Variants in WDR70 observed in about 807,000 individuals in gnomAD.
WDR70 encodes the protein WD repeat-containing protein 70.
A neutral mutation model predicts 88.6 loss-of-function variants in WDR70; 53 were observed. The observed-to-expected ratio is 0.60, with a 90% CI of 0.48 to 0.75. The LOEUF (loss-of-function observed/expected upper bound fraction) is 0.75. WDR70 is among the 30% of genes least tolerant of loss of function. The probability of loss-of-function intolerance (pLI) is 0.00; values close to 1 mark genes in which losing one functional copy is unlikely to be tolerated. For missense variants in WDR70, 610 were observed against 823.2 expected (o/e 0.74, Z 3.17); for synonymous variants, 280 against 270.0 (o/e 1.04, Z -0.36).
intron 17 of WDR70, among the ~76,000 whole-genome samples, chr5:37,737,614 G>GT (rs1399959085): frequency 6.6e-6 from 1 of 152,132 alleles, no homozygotes; most frequent in Non-Finnish European, 1.5e-5. Context: ...TTTCGTGCAT[G>GT]TTTTTTAATA....
chr5:37,724,753 A>T (rs1747921778), intron 15 of WDR70, 181 bp from the exon 16 acceptor site: 1 of 610,956 alleles, frequency 1.6e-6, no homozygotes, highest in Non-Finnish European at 2.9e-6. Context: ...AGGAGAGGTG[A>T]CCAGTGAGTC....
chr5:37,478,938 G>A (rs947472573), intron 7 of WDR70, among the ~76,000 whole-genome samples: 4 of 152,198 alleles, frequency 2.6e-5, no homozygotes, highest in African/African-American at 9.7e-5. Context: ...GAATGGTGAG[G>A]GTGGAAAGGT....
chr5:37,701,555 C>T (rs1014016190), intron 12 of WDR70, among the ~76,000 whole-genome samples: 27 of 151,884 alleles, frequency 1.8e-4, no homozygotes, highest in African/African-American at 4.4e-4. Flanking sequence ...TTTGGGAGGC[C>T]GAGGCGGGCA....
intron 8 of WDR70, among the ~76,000 whole-genome samples, chr5:37,485,707 T>A (rs1739841878): frequency 6.6e-6 from 1 of 152,008 alleles, no homozygotes; most frequent in Non-Finnish European, 1.5e-5. Flanking sequence ...TATTATTATT[T>A]TTGAGATAGA....
At chr5:37,537,674 T>C (rs1039239407) in intron 9 of WDR70, among the ~76,000 whole-genome samples, 3 of 152,176 alleles carry the variant, frequency 2.0e-5, no homozygotes, top group Non-Finnish European at 2.9e-5. Flanking sequence ...TTGAGCAAAC[T>C]CTGGATTAAC....
At chr5:37,699,493 A>C (rs746098442) in intron 11 of WDR70, among the ~76,000 whole-genome samples, 3 of 151,718 alleles carry the variant, frequency 2.0e-5, no homozygotes, top group Non-Finnish European at 4.4e-5. Context: ...TCCTTCCTGG[A>C]TGTATACAAT....
intron 13 of WDR70, among the ~76,000 whole-genome samples, chr5:37,708,178 C>A (rs1317217238): frequency 1.3e-5 from 2 of 150,446 alleles, no homozygotes; most frequent in African/African-American, 4.9e-5. Flanking sequence ...TTCAGAATAT[C>A]CCTTTCCTGT....
rs1245440173 is a variant in WDR70, at chr5:37,516,533, A to T, written c.860A>T (p.His287Leu). ...ANTKGHTAML[H>L]TGSWHPKIKG... ...TTTAAGGGTCATACAGCAATGCTTC[A>T]TACTGGCTCATGGCATCCCAAAATA... Residue 287 changes from histidine (H) to leucine (L), a missense_variant, in exon 9 of 18, where the codon CAT becomes CTT. His to Leu is a moderately conservative substitution (Grantham distance 99). This residue lies in a region of WDR70 where 83 missense variants were observed against 155.3 expected (regional missense o/e 0.53). Coordinates refer to ENST00000265107, the MANE Select transcript of WDR70 (RefSeq NM_018034.4). 3.7e-6 allele frequency: 6 copies of T among 1,603,854 alleles called. No homozygotes were observed. The highest frequency in any genetic ancestry group is 3.3e-5 in the South Asian group (3 of 89,580).
chr5:37,410,564 C>G (rs961260066), intron 5 of WDR70, among the ~76,000 whole-genome samples: 1 of 152,108 alleles, frequency 6.6e-6, no homozygotes, highest in Non-Finnish European at 1.5e-5. Context: ...AACTCCCTTA[C>G]CTTTCTTTTC....
At chr5:37,654,925 T>C (rs956051074) in intron 10 of WDR70, among the ~76,000 whole-genome samples, 1 of 152,230 alleles carries the variant, frequency 6.6e-6, no homozygotes, top group African/African-American at 2.4e-5. Flanking sequence ...TGTCTTTTAA[T>C]TGGGGCATTA....
intron 13 of WDR70, among the ~76,000 whole-genome samples, chr5:37,716,960 T>A (rs867655664): frequency 1.3e-5 from 2 of 152,160 alleles, no homozygotes; most frequent in Non-Finnish European, 2.9e-5. Context: ...CTCTCTTTTT[T>A]CTTTGGTCTC....
chr5:37,485,858 A>ATTTTTTTTTTTTTTTTTTTTTTT lies in WDR70; in HGVS notation c.840+5877_840+5899dup, dbSNP rs57109943. 6.5e-5 allele frequency among the ~76,000 whole-genome samples: 7 copies of ATTTTTTTTTTTTTTTTTTTTTTT among 108,288 alleles called. 1 individual carries two copies. The highest frequency in any genetic ancestry group is 2.4e-4 in the African/African-American group (6 of 25,374). The allele number at this position is 108,288 out of a possible 152,430, so 71.0% of individuals were successfully genotyped here. On this transcript the variant is annotated intron_variant, in intron 8 of 17. Transcript: ENST00000265107. ...AGGCATGCGCCACCATGCCTGGCTA[A>ATTTTTTTTTTTTTTTTTTTTTTT]TTTTTTTTTTTTTTTTTTTTTTTTT...
intron 17 of WDR70, among the ~76,000 whole-genome samples, chr5:37,736,602 C>A (rs970887329): frequency 1.4e-5 from 2 of 144,190 alleles, no homozygotes; most frequent in South Asian, 4.4e-4. Context: ...TGCATCAGAG[C>A]GGTGTATGTA....
intron 10 of WDR70, among the ~76,000 whole-genome samples, chr5:37,663,876 A>G (rs1295872517): frequency 6.6e-6 from 1 of 151,848 alleles, no homozygotes; most frequent in Non-Finnish European, 1.5e-5. Context: ...CCTTTCCTGT[A>G]TTTTTATCCT....
At chr5:37,629,213 T>G (rs1744747792) in intron 10 of WDR70, among the ~76,000 whole-genome samples, 1 of 152,182 alleles carries the variant, frequency 6.6e-6, no homozygotes, top group Non-Finnish European at 1.5e-5. Flanking sequence ...TTGGAATTCT[T>G]TGTCTTTTAC....
At chr5:37,612,852 T>C (rs1744224960) in intron 10 of WDR70, among the ~76,000 whole-genome samples, 1 of 152,206 alleles carries the variant, frequency 6.6e-6, no homozygotes, top group Non-Finnish European at 1.5e-5. Flanking sequence ...TTTACAAATA[T>C]TCAACAGAAC....
At chr5:37,393,568 CTTTT>C (rs1748914706) in intron 4 of WDR70, among the ~76,000 whole-genome samples, 1 of 151,810 alleles carries the variant, frequency 6.6e-6, no homozygotes, top group Non-Finnish European at 1.5e-5. Context: ...TTTCCATTTT[CTTTT>C]GTTTCAAGAA....
At chr5:37,733,893 T>G (rs1335101313) in intron 17 of WDR70, among the ~76,000 whole-genome samples, 1 of 152,074 alleles carries the variant, frequency 6.6e-6, no homozygotes, top group Non-Finnish European at 1.5e-5. Context: ...AAGTTTATTT[T>G]TACTTACTTT....
At chr5:37,589,742 G>T (rs1388660811) in intron 9 of WDR70, among the ~76,000 whole-genome samples, 2 of 151,780 alleles carry the variant, frequency 1.3e-5, no homozygotes, top group Non-Finnish European at 2.9e-5. Flanking sequence ...AAAAATACAA[G>T]AATTAGCTGG....
Sources: allele counts gnomAD v4.1 joint callset (sites outside exome capture counted in the v4.1 genomes callset), GRCh38; gene constraint gnomAD v4.1.1; regional missense constraint gnomAD v4.1.1; transcripts MANE v1.5; gene names NCBI Gene and HGNC (gene_info 2026-07-23, HGNC 2026-07-21).